Variants in REDIC1 observed in about 807,000 individuals in gnomAD.
REDIC1 encodes the protein HEI10 Interacting Protein 1.
the REDIC1 span, among the ~76,000 whole-genome samples, chr12:39,678,503 A>T: frequency 6.6e-6 from 1 of 152,060 alleles, no homozygotes; most frequent in African/African-American, 2.4e-5. Context: ...GAATTTTATC[A>T]GCCATTCAAA....
At chr12:39,676,009 A>G in the REDIC1 span, among the ~76,000 whole-genome samples, 1 of 152,194 alleles carries the variant, frequency 6.6e-6, no homozygotes, top group Non-Finnish European at 1.5e-5. Context: ...AAGGAACCAG[A>G]AAAGTAATTC....
chr12:39,692,149 T>A, the REDIC1 span: 1 of 1,437,470 alleles, frequency 7.0e-7, no homozygotes. Flanking sequence ...TACTCTATTT[T>A]AAAAACTAAC....
the REDIC1 span, chr12:39,760,351 T>C: frequency 9.1e-7 from 1 of 1,097,704 alleles, no homozygotes; most frequent in Non-Finnish European, 1.3e-6. Flanking sequence ...TGGTCAGTCA[T>C]GCATAATCAC....
the REDIC1 span, among the ~76,000 whole-genome samples, chr12:39,729,307 T>A: frequency 6.6e-6 from 1 of 152,236 alleles, no homozygotes; most frequent in Non-Finnish European, 1.5e-5. Context: ...GTACTATAAA[T>A]TTCCCTGTAA....
At chr12:39,886,094 T>C in the REDIC1 span, among the ~76,000 whole-genome samples, 1 of 152,210 alleles carries the variant, frequency 6.6e-6, no homozygotes, top group Admixed American at 6.5e-5. Flanking sequence ...AAGGTTAAAG[T>C]GAACAGACCT....
chr12:39,751,290 C>G, the REDIC1 span, among the ~76,000 whole-genome samples: 1 of 152,202 alleles, frequency 6.6e-6, no homozygotes, highest in South Asian at 2.1e-4. Context: ...CCAGCAGACA[C>G]ATGAAAAAAT....
chr12:39,660,765 T>C, the REDIC1 span, among the ~76,000 whole-genome samples: 1 of 152,042 alleles, frequency 6.6e-6, no homozygotes, highest in Non-Finnish European at 1.5e-5. Context: ...ATTCTATCTA[T>C]TATATGTTTG....
At chr12:39,800,008 T>C in the REDIC1 span, among the ~76,000 whole-genome samples, 1 of 152,208 alleles carries the variant, frequency 6.6e-6, no homozygotes. Flanking sequence ...TGTCTACCTT[T>C]TTTTGCAGTT....
the REDIC1 span, among the ~76,000 whole-genome samples, chr12:39,839,104 A>C: frequency 2.6e-5 from 4 of 152,144 alleles, no homozygotes; most frequent in South Asian, 8.3e-4. Flanking sequence ...AGCTATTCCC[A>C]AACTTCCATA....
chr12:39,830,474 T>C, the REDIC1 span: 1 of 1,207,660 alleles, frequency 8.3e-7, no homozygotes, highest in South Asian at 2.3e-5. Flanking sequence ...GGCTTGGATC[T>C]GAGAGACTGA....
At chr12:39,646,427 C>G in the REDIC1 span, 1 of 1,531,138 alleles carries the variant, frequency 6.5e-7, no homozygotes. Context: ...TCACTGTGTA[C>G]CTTCTAAACT....
At chr12:39,638,930 T>C in the REDIC1 span, among the ~76,000 whole-genome samples, 1 of 152,080 alleles carries the variant, frequency 6.6e-6, no homozygotes, top group East Asian at 1.9e-4. Flanking sequence ...TGCATACATA[T>C]ATGAAGACTA....
chr12:39,844,569 A>C, the REDIC1 span, among the ~76,000 whole-genome samples: 1 of 152,080 alleles, frequency 6.6e-6, no homozygotes, highest in Non-Finnish European at 1.5e-5. Context: ...TATAAAATAT[A>C]AATAATTAAT....
chr12:39,810,414 T>A, the REDIC1 span, among the ~76,000 whole-genome samples: 2 of 152,214 alleles, frequency 1.3e-5, no homozygotes, highest in Non-Finnish European at 2.9e-5. Context: ...TCTCATAGCA[T>A]TTTATAAAAA....
chr12:39,753,021 T>G, the REDIC1 span, among the ~76,000 whole-genome samples: 1 of 152,192 alleles, frequency 6.6e-6, no homozygotes, highest in African/African-American at 2.4e-5. Flanking sequence ...CACACTCAGG[T>G]GATGCCAATG....
chr12:39,862,749 T>C, the REDIC1 span, among the ~76,000 whole-genome samples: 1 of 152,196 alleles, frequency 6.6e-6, no homozygotes, highest in African/African-American at 2.4e-5. Flanking sequence ...GGACCATATT[T>C]ATGGGGTACA....
the REDIC1 span, among the ~76,000 whole-genome samples, chr12:39,740,893 T>C: frequency 6.6e-6 from 1 of 152,234 alleles, no homozygotes; most frequent in South Asian, 2.1e-4. Flanking sequence ...GGAAACCTGA[T>C]TTATATTATC....
the REDIC1 span, among the ~76,000 whole-genome samples, chr12:39,840,025 T>G: frequency 6.6e-6 from 1 of 151,376 alleles, no homozygotes; most frequent in Non-Finnish European, 1.5e-5. Context: ...CTCTCCATTC[T>G]TTTTTTTTGT....
chr12:39,713,761 G>A, the REDIC1 span, among the ~76,000 whole-genome samples: 277 of 147,804 alleles, frequency 1.9e-3, no homozygotes, highest in African/African-American at 6.1e-3. Flanking sequence ...ATGTATACAC[G>A]TATATATATA....
Sources: allele counts gnomAD v4.1 joint callset (sites outside exome capture counted in the v4.1 genomes callset), GRCh38; gene constraint gnomAD v4.1.1; transcripts MANE v1.5; gene names NCBI Gene and HGNC (gene_info 2026-07-23, HGNC 2026-07-21).